ESCO2: variants seen among roughly 807,000 people sequenced by gnomAD.
ESCO2 encodes the protein N-acetyltransferase ESCO2.
ESCO2 carries 51 observed loss-of-function variants against 61.7 expected under a neutral mutation model. The ratio of observed to expected loss-of-function variants is 0.83; its 90% confidence interval spans 0.66 to 1.04. The LOEUF (loss-of-function observed/expected upper bound fraction) is 1.04, where lower values mean the gene tolerates loss of function less well. ESCO2 is among the 50% of genes least tolerant of loss of function. ESCO2 has a pLI of 0.00. For synonymous variants in ESCO2, 230 were observed against 238.2 expected (o/e 0.97, Z 0.32); for missense variants, 692 against 686.2 (o/e 1.01, Z -0.09).
chr8:27,795,191 T>A (rs1164172898), intron 9 of ESCO2, among the ~76,000 whole-genome samples: 1 of 152,216 alleles, frequency 6.6e-6, no homozygotes, highest in Non-Finnish European at 1.5e-5. Context: ...ATTCTTCATC[T>A]TCTTTCATCA....
At chr8:27,810,541 T>C (rs374960226), downstream of ESCO2, 39 of 1,298,936 alleles carry the variant, frequency 3.0e-5, no homozygotes, top group Admixed American at 5.8e-5. Context: ...ACAAAATCAC[T>C]TTATGTCATG....
downstream of ESCO2, among the ~76,000 whole-genome samples, chr8:27,817,169 C>T (rs774765480): frequency 2.0e-5 from 3 of 152,004 alleles, no homozygotes; most frequent in Admixed American, 1.3e-4. Context: ...ATTTCCCACA[C>T]GCTTAAAAAT....
intron 10 of ESCO2, among the ~76,000 whole-genome samples, chr8:27,800,646 C>G (rs1368958407): frequency 1.3e-5 from 2 of 152,060 alleles, no homozygotes; most frequent in Admixed American, 1.3e-4. Flanking sequence ...AAACCTTGCA[C>G]ATGAAGGTTC....
intron 5 of ESCO2, among the ~76,000 whole-genome samples, chr8:27,784,918 G>A (rs530033951): frequency 6.6e-6 from 1 of 152,258 alleles, no homozygotes; most frequent in Non-Finnish European, 1.5e-5. Context: ...CTCTTCAAAG[G>A]TTTGTTTCTA....
At chr8:27,802,734 A>G (rs1432350596) in intron 10 of ESCO2, among the ~76,000 whole-genome samples, 2 of 136,976 alleles carry the variant, frequency 1.5e-5, no homozygotes, top group East Asian at 2.3e-4. Flanking sequence ...AATTAACAAT[A>G]TGATCTTTTT....
At chr8:27,791,201 CTGAT>C (rs1805167606) in intron 7 of ESCO2, among the ~76,000 whole-genome samples, 1 of 152,152 alleles carries the variant, frequency 6.6e-6, no homozygotes, top group East Asian at 1.9e-4. Context: ...TAGTATACCT[CTGAT>C]TGATTCATAT....
chr8:27,775,595 C>T, intron 2 of ESCO2, 28 bp downstream of exon 2: 1 of 1,612,948 alleles, frequency 6.2e-7, no homozygotes, highest in African/African-American at 1.3e-5. Context: ...AATAGAAACT[C>T]TTAGAAAAAT....
At chr8:27,817,403 C>T (rs963047307), downstream of ESCO2, among the ~76,000 whole-genome samples, 54 of 151,848 alleles carry the variant, frequency 3.6e-4, no homozygotes, top group African/African-American at 1.3e-3. Context: ...ACCTTTCAGA[C>T]GACAGTTTGG....
intron 3 of ESCO2, chr8:27,779,506 C>G (rs1804874850): frequency 6.6e-6 from 1 of 152,194 alleles, no homozygotes; most frequent in Non-Finnish European, 1.5e-5. Context: ...AAGTTTATGG[C>G]AAAAAGTTGT....
intron 9 of ESCO2, among the ~76,000 whole-genome samples, chr8:27,796,462 T>C (rs774307742): frequency 5.3e-5 from 8 of 152,188 alleles, no homozygotes; most frequent in Non-Finnish European, 8.8e-5. Flanking sequence ...CTTTGGGCTT[T>C]ATTCTTCTTT....
chr8:27,803,332 T>C lies in ESCO2; in HGVS notation c.1700T>C (p.Leu567Pro). ...AATTGCTTCATGTTTGGCTGTTTTC[T>C]CAGCACTGATGAAATAGCATTTTCT... ...LRNCFMFGCF[L>P]STDEIAFSDP... The change falls in exon 11 of 11, where the codon CTC becomes CCC. Residue 567 changes from leucine to proline, a missense_variant. Transcript: ENST00000305188. 6.2e-7 allele frequency: 1 copy of C among 1,614,114 alleles called. No individual in the cohort carries two copies. The highest frequency in any genetic ancestry group is 8.5e-7 in the Non-Finnish European group (1 of 1,180,022).
In ESCO2 at chr8:27,788,242, ATAT is replaced by A. The variant is rs35476160; in HGVS notation, c.1131+242_1131+244del. ...TTTTAATATTGTTTAAAATAATTTA[ATAT>A]TCTTAGCTGCTTAAGGAAAAATATT... On this transcript the variant is annotated intron_variant, in intron 6 of 10. Transcript: ENST00000305188. Among the ~76,000 whole-genome samples the A allele has an allele frequency of 0.14, 21,211 of 152,098 alleles. 1,773 individuals carry two copies. Among genetic ancestry groups the A allele is most frequent in the East Asian group, 0.34 (1,736 of 5,170 alleles).
In ESCO2 at chr8:27,803,921, A is replaced by G; in HGVS notation, c.*483A>G. 1.0e-6 allele frequency: 1 copy of G among 983,062 alleles called. No individual in the cohort carries two copies. The highest frequency in any genetic ancestry group is 1.2e-6 in the Non-Finnish European group (1 of 827,060). 60.9% of individuals were successfully genotyped at this position (983,062 alleles called of 1,614,324 possible). A position where few individuals can be genotyped will look rare whatever the true frequency, so the allele number is the denominator to read the frequency against. On this transcript the variant is annotated 3_prime_UTR_variant, in exon 11 of 11. Transcript: ENST00000305188. ...ATTCCTGAATTTTTTTTTTTTTTTA[A>G]TAGAGGCATGGGTCTCACTGTGTTG...
chr8:27,809,169 A>G (rs1011379024), downstream of ESCO2, among the ~76,000 whole-genome samples: 3 of 152,204 alleles, frequency 2.0e-5, no homozygotes, highest in Non-Finnish European at 4.4e-5. Flanking sequence ...CAGAGTGAGG[A>G]TAAGAGACCC....
In ESCO2 at chr8:27,792,763, T is replaced by C. The variant is rs746274844; in HGVS notation, c.1449T>C (p.Ser483=). ...PNKIKTFLFI[S]DEKRVVGCLI... ...AAATAAAAACTTTTCTTTTTATATC[T>C]GATGAAAAGAGAGTAGTTGGGTGTT... Residue 483 remains serine, a synonymous_variant, in exon 9 of 11, where the codon TCT becomes TCC. Coordinates refer to ENST00000305188, the MANE Select transcript of ESCO2 (RefSeq NM_001017420.3). 6 of 1,610,442 alleles carry C rather than the reference T, an allele frequency of 3.7e-6. No individual in the cohort carries two copies. Among genetic ancestry groups the C allele is most frequent in the Non-Finnish European group, 5.1e-6 (6 of 1,178,886 alleles).
chr8:27,787,266 A>G (rs1469405239), intron 5 of ESCO2, among the ~76,000 whole-genome samples: 2 of 152,234 alleles, frequency 1.3e-5, no homozygotes, highest in South Asian at 2.1e-4. Flanking sequence ...GTGAATCTCA[A>G]CATTCTTTCA....
intron 10 of ESCO2, 61 bp from the exon 11 acceptor site, chr8:27,803,245 C>A: frequency 6.9e-7 from 1 of 1,447,126 alleles, no homozygotes. Flanking sequence ...TTAAATTGTG[C>A]TCATGTTAAT....
chr8:27,799,366 GTTT>G (rs1175871542), intron 9 of ESCO2, among the ~76,000 whole-genome samples, 172 bp from the exon 10 acceptor site: 1 of 152,082 alleles, frequency 6.6e-6, no homozygotes, highest in African/African-American at 2.4e-5. Context: ...AACACCACTA[GTTT>G]TTTTAAAGCA....
chr8:27,802,635 ATATATATATATATATATATATT>A (rs1563482369), intron 10 of ESCO2, among the ~76,000 whole-genome samples: 619 of 58,768 alleles, frequency 0.011, 14 homozygotes, highest in African/African-American at 0.045. Context: ...AAAAAAATAT[ATATATATATATATATATATATT>A]ATATATATAT....
Sources: gnomAD v4.1 joint callset for allele counts (sites outside exome capture counted in the v4.1 genomes callset) on GRCh38, gnomAD v4.1.1 for gene constraint, MANE v1.5 for transcripts, NCBI Gene and HGNC (gene_info 2026-07-23, HGNC 2026-07-21) for gene names.